The following SDK1 variants were observed in gnomAD, a reference collection of about 807,000 sequenced individuals.
SDK1 encodes sidekick cell adhesion molecule 1, also known as protein sidekick-1.
Under a neutral mutation model 245.5 loss-of-function variants are expected in SDK1, and 157 were observed. That is an observed-to-expected ratio of 0.64 (90% CI 0.56 to 0.73). SDK1 has a LOEUF of 0.73. Among genes scored for constraint, SDK1 ranks in the 30% least tolerant of loss-of-function variants. The pLI is 0.00. For missense variants in SDK1, 3,583 were observed against 3,002.3 expected (o/e 1.19, Z -4.52); for synonymous variants, 1,647 against 1,278.5 (o/e 1.29, Z -6.15).
At chr7:4,098,664 T>C (rs1234529642) in intron 22 of SDK1, among the ~76,000 whole-genome samples, 2 of 151,462 alleles carry the variant, frequency 1.3e-5, no homozygotes, top group African/African-American at 4.9e-5. Flanking sequence ...GTACTCGGTT[T>C]TTTCTTTTTT....
chr7:4,119,796 A>G lies in SDK1; in HGVS notation c.3823+5522A>G, dbSNP rs954582376. Among the ~76,000 whole-genome samples the G allele has an allele frequency of 6.0e-5, 9 of 149,018 alleles. 1 individual carries two copies. The highest frequency in any genetic ancestry group is 2.2e-4 in the African/African-American group (9 of 40,830). On this transcript the variant is annotated intron_variant, in intron 25 of 44. Transcript: ENST00000404826. The stretch of plus-strand genomic sequence containing the variant: ...ATCACAATTGTCAAGCACACAGGCA[A>G]TGATTTGCCATGAGTAAAAATGACC...
chr7:3,939,482 TAGAA>T (rs900817365), intron 5 of SDK1, among the ~76,000 whole-genome samples: 2 of 152,154 alleles, frequency 1.3e-5, no homozygotes, highest in Admixed American at 6.5e-5. Flanking sequence ...TTTTTCTTGT[TAGAA>T]AGGAAATCAC....
chr7:4,146,063 T>TGTCGGGTGCAATGGG, intron 29 of SDK1, 147 bp downstream of exon 29: 2 of 667,494 alleles, frequency 3.0e-6, no homozygotes, highest in Non-Finnish European at 5.1e-6. Flanking sequence ...AAAGCACCCA[T>TGTCGGGTGCAATGGG]TGCACCTGAC....
At chr7:3,988,504 G>A (rs1202869976) in intron 14 of SDK1, among the ~76,000 whole-genome samples, 1 of 152,128 alleles carries the variant, frequency 6.6e-6, no homozygotes, top group Non-Finnish European at 1.5e-5. Flanking sequence ...CCTGCTGCGT[G>A]CAATATAGAA....
rs113072833 is a variant in SDK1 at position 3,590,081 on chromosome 7, G to T, written c.299-28999G>T. Among the ~76,000 whole-genome samples, 4 of 152,104 alleles carry T rather than the reference G, an allele frequency of 2.6e-5. No individual in the cohort carries two copies. The South Asian group carries it at 8.3e-4, about 32-fold the overall frequency. On this transcript the variant is annotated intron_variant, in intron 1 of 44. Coordinates refer to ENST00000404826, the MANE Select transcript of SDK1 (RefSeq NM_152744.4). ...ATTAGTGTAAATACGTATGTGTTAG[G>T]GGATAGATGATACACTATTACAGAC...
chr7:3,662,071 C>T (rs117235846), intron 4 of SDK1, among the ~76,000 whole-genome samples: 2,304 of 132,366 alleles, frequency 0.017, 24 homozygotes, highest in Non-Finnish European at 0.029. Flanking sequence ...TTTTGGTGTT[C>T]CCTTCAAGGA....
At chr7:3,714,489 G>T (rs1258338071) in intron 4 of SDK1, among the ~76,000 whole-genome samples, 3 of 152,098 alleles carry the variant, frequency 2.0e-5, no homozygotes, top group Non-Finnish European at 4.4e-5. Flanking sequence ...AGAATAATAA[G>T]TTTATCCCAT....
chr7:3,538,927 G>A (rs949263033), intron 1 of SDK1, among the ~76,000 whole-genome samples: 1 of 152,220 alleles, frequency 6.6e-6, no homozygotes, highest in Admixed American at 6.5e-5. Flanking sequence ...GAATCTTCTT[G>A]AAAGTTTTTT....
chr7:3,772,063 G>T (rs996356895), intron 4 of SDK1, among the ~76,000 whole-genome samples: 14 of 152,102 alleles, frequency 9.2e-5, no homozygotes, highest in African/African-American at 3.1e-4. Context: ...CTCAAAATTT[G>T]TTTGTACTGA....
intron 2 of SDK1, among the ~76,000 whole-genome samples, chr7:3,635,074 C>T (rs1782414746): frequency 6.6e-6 from 1 of 152,204 alleles, no homozygotes; most frequent in African/African-American, 2.4e-5. Context: ...AATCTCACAG[C>T]TCCCCTCTGT....
At chr7:4,264,448 C>T (rs111670461) in intron 44 of SDK1, among the ~76,000 whole-genome samples, 11 of 109,032 alleles carry the variant, frequency 1.0e-4, no homozygotes, top group East Asian at 3.3e-4. Flanking sequence ...AGGAAGGCCG[C>T]GTGGACCTCT....
intron 5 of SDK1, among the ~76,000 whole-genome samples, chr7:3,849,592 A>AT (rs1232489013): frequency 6.6e-6 from 1 of 152,222 alleles, no homozygotes; most frequent in East Asian, 1.9e-4. Context: ...AATACCATGA[A>AT]TTTGGAAGAT....
chr7:3,609,257 G>A (rs556548809), intron 1 of SDK1, among the ~76,000 whole-genome samples: 2 of 152,222 alleles, frequency 1.3e-5, no homozygotes, highest in South Asian at 4.2e-4. Flanking sequence ...ATGTTGCAAA[G>A]GGATCCTGAG....
intron 40 of SDK1, among the ~76,000 whole-genome samples, chr7:4,224,846 G>A (rs965754038): frequency 2.0e-5 from 3 of 151,640 alleles, no homozygotes; most frequent in Admixed American, 6.6e-5. Flanking sequence ...AGCTGGGTGT[G>A]GTGGCATGCA....
intron 1 of SDK1, among the ~76,000 whole-genome samples, chr7:3,617,076 T>C (rs893373105): frequency 1.3e-5 from 2 of 152,238 alleles, no homozygotes; most frequent in African/African-American, 4.8e-5. Flanking sequence ...TGCTTCTGTT[T>C]ATTCATTCTT....
In SDK1 at chr7:3,736,134, T is replaced by A. The variant is rs375874850; in HGVS notation, c.714-85316T>A. On this transcript the variant is annotated intron_variant, in intron 4 of 44. Coordinates refer to ENST00000404826, the MANE Select transcript of SDK1 (RefSeq NM_152744.4). ...TTGCCAGTGTCTTTTTCTTATTCCG[T>A]AGGTTGCATTTTGACCCTGTTAGTT... Among the ~76,000 whole-genome samples the A allele has an allele frequency of 6.6e-5, 10 of 152,330 alleles. No individual in the cohort carries two copies. In the East Asian group the frequency reaches 1.9e-3, roughly 29 times the overall value.
intron 25 of SDK1, among the ~76,000 whole-genome samples, chr7:4,117,784 G>A (rs965415505): frequency 3.9e-5 from 6 of 152,200 alleles, no homozygotes; most frequent in African/African-American, 1.4e-4. Flanking sequence ...TAACATGAGA[G>A]TCAGCTTTGA....
At chr7:3,935,837 C>G (rs567278501) in intron 5 of SDK1, among the ~76,000 whole-genome samples, 18 of 152,284 alleles carry the variant, frequency 1.2e-4, no homozygotes, top group Middle Eastern at 6.8e-3. Context: ...CATGGTAGTT[C>G]CTCCAAAAAT....
At chr7:3,357,328 GTTTTTTTTTTTTTTTTTT>G (rs560124026) in intron 1 of SDK1, among the ~76,000 whole-genome samples, 15 of 52,946 alleles carry the variant, frequency 2.8e-4, no homozygotes, top group East Asian at 2.3e-3. Flanking sequence ...TTCTTTTAGT[GTTTTTTTTTTTTTTTTTT>G]TTTTTTTTTT....
Sources: allele counts gnomAD v4.1 joint callset (sites outside exome capture counted in the v4.1 genomes callset), GRCh38; gene constraint gnomAD v4.1.1; transcripts MANE v1.5; gene names NCBI Gene and HGNC (gene_info 2026-07-23, HGNC 2026-07-21).